The following CACNA1A variants were observed in gnomAD, a reference collection of about 807,000 sequenced individuals.
The protein encoded by CACNA1A is calcium voltage-gated channel subunit alpha1 A, also known as voltage-dependent P/Q-type calcium channel subunit alpha-1A.
A neutral mutation model predicts 262.4 loss-of-function variants in CACNA1A; 57 were observed. That is an observed-to-expected ratio of 0.22 (90% CI 0.18 to 0.27). The LOEUF is 0.27. Among genes scored for constraint, CACNA1A ranks in the 10% least tolerant of loss-of-function variants. CACNA1A has a pLI of 1.00. For synonymous variants in CACNA1A, 1,431 were observed against 1,419.3 expected (o/e 1.01, Z -0.18); for missense variants, 2,526 against 3,562.8 (o/e 0.71, Z 7.41).
chr19:13,495,536 T>C (rs1469415067), intron 1 of CACNA1A, among the ~76,000 whole-genome samples: 1 of 152,200 alleles, frequency 6.6e-6, no homozygotes, highest in Non-Finnish European at 1.5e-5. Flanking sequence ...GACCTTGTGA[T>C]CTGCCTGCCT....
At chr19:13,429,638 G>C (rs1351532111) in intron 3 of CACNA1A, among the ~76,000 whole-genome samples, 1 of 149,320 alleles carries the variant, frequency 6.7e-6, no homozygotes, top group Non-Finnish European at 1.5e-5. Flanking sequence ...ATATCCAAAA[G>C]AATTGAAAGC....
intron 6 of CACNA1A, among the ~76,000 whole-genome samples, chr19:13,355,396 G>T (rs72997533): frequency 6.6e-6 from 1 of 152,280 alleles, no homozygotes; most frequent in Non-Finnish European, 1.5e-5. Context: ...GTTGTTTTAA[G>T]CTACTCAGTC....
chr19:13,456,912 G>A (rs2061021226), intron 1 of CACNA1A, among the ~76,000 whole-genome samples: 1 of 152,112 alleles, frequency 6.6e-6, no homozygotes, highest in South Asian at 2.1e-4. Context: ...AAGTGTTGGT[G>A]AAGATGTGAA....
At chr19:13,487,537 C>T (rs552559720) in intron 1 of CACNA1A, among the ~76,000 whole-genome samples, 130 of 152,054 alleles carry the variant, frequency 8.5e-4, no homozygotes, top group African/African-American at 3.0e-3. Context: ...ACGGGGTCTC[C>T]TTTTTGGGGT....
In CACNA1A at chr19:13,259,676, T is replaced by C. The variant is rs1005591842; in HGVS notation, c.4276A>G (p.Asn1426Asp). The change falls in exon 27 of 47, where the codon AAT becomes GAT. Residue 1426 changes from asparagine to aspartate, a missense_variant. By Grantham distance (23) the Asn-to-Asp change is conservative. Around this residue, in one of 17 missense-constraint regions of CACNA1A, gnomAD observed 137 missense variants for 377.7 expected, o/e 0.36. Coordinates refer to ENST00000360228, the MANE Select transcript of CACNA1A (RefSeq NM_001127222.2). ...CRGKYLLYEK[N>D]EVKARDREWK... Reference sequence around the variant, plus strand: ...TCCCGGTCTCGCGCCTTCACCTCATTCTTCTCGTAGAGGAGGTATTTGCCT... The same window carrying C: ...TCCCGGTCTCGCGCCTTCACCTCATCCTTCTCGTAGAGGAGGTATTTGCCT... The C allele has an allele frequency of 6.8e-6, 11 of 1,611,294 alleles. No homozygotes were observed. The highest frequency in any genetic ancestry group is 2.2e-5 in the East Asian group (1 of 44,874).
intron 40 of CACNA1A, chr19:13,213,578 C>T (rs958008820): frequency 7.9e-5 from 12 of 151,254 alleles, no homozygotes; most frequent in African/African-American, 2.4e-4. Context: ...TCCCCGAGGA[C>T]TGAGAACAGC....
At chr19:13,483,235 GC>G (rs1979570067) in intron 1 of CACNA1A, among the ~76,000 whole-genome samples, 1 of 151,912 alleles carries the variant, frequency 6.6e-6, no homozygotes, top group Non-Finnish European at 1.5e-5. Context: ...GATGGAAAGA[GC>G]CGGGTCCTGA....
chr19:13,286,268 C>T (rs989914846), intron 20 of CACNA1A, among the ~76,000 whole-genome samples: 1 of 152,138 alleles, frequency 6.6e-6, no homozygotes, highest in African/African-American at 2.4e-5. Flanking sequence ...GAAGGAAGGA[C>T]GTAGAAGATA....
chr19:13,346,899 T>C (rs1168714322), intron 6 of CACNA1A, among the ~76,000 whole-genome samples: 3 of 149,980 alleles, frequency 2.0e-5, no homozygotes, highest in Non-Finnish European at 3.0e-5. Context: ...AGGGTGGTCT[T>C]GCACTCCTGA....
intron 24 of CACNA1A, among the ~76,000 whole-genome samples, chr19:13,267,212 G>A (rs1016308025): frequency 5.3e-5 from 8 of 152,150 alleles, no homozygotes; most frequent in Non-Finnish European, 8.8e-5. Context: ...ATGTGGCATC[G>A]GAGGGAGAGA....
At chr19:13,495,845 T>C (rs1981437569) in intron 1 of CACNA1A, among the ~76,000 whole-genome samples, 1 of 151,924 alleles carries the variant, frequency 6.6e-6, no homozygotes. Context: ...GCCTATTTAT[T>C]CATCCAGCCA....
intron 4 of CACNA1A, 114 bp from the exon 5 acceptor site, chr19:13,365,583 T>A: frequency 1.2e-6 from 1 of 862,168 alleles, no homozygotes; most frequent in Non-Finnish European, 1.8e-6. Flanking sequence ...GAGGGAACAT[T>A]AAGCACCCAG....
At chr19:13,490,733 G>GAA (rs991170868) in intron 1 of CACNA1A, among the ~76,000 whole-genome samples, 37 of 101,190 alleles carry the variant, frequency 3.7e-4, no homozygotes, top group African/African-American at 1.1e-3. Flanking sequence ...AAGAAAGAAA[G>GAA]AGAAAAGAAA....
chr19:13,288,346 C>A (rs752935742), intron 19 of CACNA1A, among the ~76,000 whole-genome samples: 8 of 151,674 alleles, frequency 5.3e-5, no homozygotes, highest in Non-Finnish European at 1.0e-4. Context: ...TTCAAGTGAT[C>A]CTCGTGCCTC....
intron 6 of CACNA1A, among the ~76,000 whole-genome samples, chr19:13,339,185 A>G (rs775568989): frequency 5.3e-5 from 8 of 152,026 alleles, no homozygotes; most frequent in Non-Finnish European, 2.9e-5. Flanking sequence ...TTAATAGTCA[A>G]CTTTACCTTA....
rs10412180 is a variant in CACNA1A, at chr19:13,353,646, C to T, written c.978+5960G>A. On this transcript the variant is annotated intron_variant, in intron 6 of 46. Transcript: ENST00000360228. Reference sequence around the variant, plus strand: ...TCCTGATATAAACCTTCAACAGCATCGCTGATTAGTTGAGCTTAGATTTCT... The same window carrying T: ...TCCTGATATAAACCTTCAACAGCATTGCTGATTAGTTGAGCTTAGATTTCT... Among the ~76,000 whole-genome samples the T allele has an allele frequency of 7.7e-3, 1,168 of 152,260 alleles. 14 individuals are homozygous for T. Among genetic ancestry groups the T allele is most frequent in the African/African-American group, 0.027 (1,116 of 41,544 alleles).
intron 24 of CACNA1A, 61 bp downstream of exon 24, chr19:13,275,789 T>G: frequency 8.8e-7 from 1 of 1,131,150 alleles, no homozygotes; most frequent in Non-Finnish European, 1.3e-6. Context: ...TAATCCGATG[T>G]GTGGCCCAGG....
chr19:13,227,175 A>C, intron 37 of CACNA1A: 2 of 249,038 alleles, frequency 8.0e-6, no homozygotes, highest in Non-Finnish European at 7.7e-6. Flanking sequence ...TCCCCCCGGC[A>C]TGTCGGCCAT....
chr19:13,207,222 T>A lies in CACNA1A; in HGVS notation c.*91A>T. ...GGCTGGCCCTCTCCCGGGCCCTCTG[T>A]GCTGGGCCCCCGCGGCCTCTGCGCG... On this transcript the variant is annotated 3_prime_UTR_variant, in exon 47 of 47. Transcript: ENST00000360228. The surrounding 1 kb of genome is among the most constrained non-coding windows in gnomAD (Gnocchi z 5.7). The A allele has an allele frequency of 1.5e-6, 2 of 1,340,126 alleles. No individual in the cohort carries two copies. The highest frequency in any genetic ancestry group is 9.7e-7 in the Non-Finnish European group (1 of 1,029,716). The allele number at this position is 1,340,126 out of a possible 1,614,324, so 83.0% of individuals were successfully genotyped here.
Sources: allele counts gnomAD v4.1 joint callset (sites outside exome capture counted in the v4.1 genomes callset), GRCh38; gene constraint gnomAD v4.1.1; regional missense constraint gnomAD v4.1.1; non-coding constraint Gnocchi (gnomAD v3.1); transcripts MANE v1.5; gene names NCBI Gene and HGNC (gene_info 2026-07-23, HGNC 2026-07-21).